The following CHD9 variants were observed in gnomAD, a reference collection of about 807,000 sequenced individuals.
CHD9 encodes chromodomain helicase DNA binding protein 9, also known as ATP-dependent chromatin remodeler CHD9.
A neutral mutation model predicts 316.1 loss-of-function variants in CHD9; 77 were observed. That is an observed-to-expected ratio of 0.24 (90% CI 0.20 to 0.29). The LOEUF (loss-of-function observed/expected upper bound fraction) is 0.29. Ranked by LOEUF, CHD9 falls within the 10% of genes least tolerant of loss-of-function variation. The pLI, the probability that CHD9 is intolerant of heterozygous loss-of-function variation, is 1.00. For synonymous variants in CHD9, 1,129 were observed against 1,158.3 expected (o/e 0.97, Z 0.51); for missense variants, 2,763 against 3,438.1 (o/e 0.80, Z 4.91).
chr16:53,285,269 G>T (rs1037108280), intron 24 of CHD9, among the ~76,000 whole-genome samples: 4 of 152,222 alleles, frequency 2.6e-5, no homozygotes, highest in Non-Finnish European at 5.9e-5. Context: ...CAAGTTGTTG[G>T]CTGACATAGT....
chr16:53,173,554 T>TA (rs2042912510), intron 2 of CHD9, among the ~76,000 whole-genome samples: 1 of 152,146 alleles, frequency 6.6e-6, no homozygotes, highest in Non-Finnish European at 1.5e-5. Flanking sequence ...AATTTTATTT[T>TA]TTTTTTTTAA....
At chr16:53,299,517 T>G (rs1195468108) in intron 30 of CHD9, 14 of 284,054 alleles carry the variant, frequency 4.9e-5, no homozygotes, top group Non-Finnish European at 7.6e-5. Flanking sequence ...AATTTACGTT[T>G]TCTGTTTGGA....
intron 2 of CHD9, among the ~76,000 whole-genome samples, chr16:53,177,074 G>C (rs1203583381): frequency 6.6e-6 from 1 of 152,132 alleles, no homozygotes; most frequent in Non-Finnish European, 1.5e-5. Flanking sequence ...TCCTGCCTCA[G>C]CCTCCCAGGT....
At chr16:53,291,385 TAAGA>T (rs2054317683) in intron 27 of CHD9, among the ~76,000 whole-genome samples, 1 of 152,088 alleles carries the variant, frequency 6.6e-6, no homozygotes, top group Non-Finnish European at 1.5e-5. Context: ...AGAGTTGGTA[TAAGA>T]AAGGGGAAAA....
At chr16:53,199,197 A>G (rs2045225569) in intron 2 of CHD9, among the ~76,000 whole-genome samples, 1 of 152,148 alleles carries the variant, frequency 6.6e-6, no homozygotes, top group South Asian at 2.1e-4. Flanking sequence ...TGTTACAGTC[A>G]TAGTTACACT....
At chr16:53,206,244 C>A (rs568421736) in intron 2 of CHD9, among the ~76,000 whole-genome samples, 1 of 152,054 alleles carries the variant, frequency 6.6e-6, no homozygotes, top group Non-Finnish European at 1.5e-5. Flanking sequence ...TGAGCCACCA[C>A]ACCTGGCCTT....
chr16:53,324,880 T>C lies in CHD9; in HGVS notation c.8679T>C (p.Ser2893=). Residue 2893 remains serine (S), a synonymous_variant, in exon 39 of 39, where the codon TCT becomes TCC. Transcript: ENST00000447540. The part of the protein sequence containing the change: ...STSSSSEDSD[S]SNED ...CGTCGTCATCTGAGGATTCAGATTC[T>C]AGTAATGAAGACTGATTCCCAGACT... 6.3e-7 allele frequency: 1 copy of C among 1,592,790 alleles called. No individual in the cohort carries two copies. The highest frequency in any genetic ancestry group is 8.5e-7 in the Non-Finnish European group (1 of 1,171,870).
chr16:53,165,148 G>A (rs1036633464), intron 2 of CHD9, among the ~76,000 whole-genome samples: 7 of 152,166 alleles, frequency 4.6e-5, no homozygotes, highest in African/African-American at 1.7e-4. Context: ...TTCACTGAAA[G>A]CAGGGAGATG....
intron 36 of CHD9, among the ~76,000 whole-genome samples, chr16:53,316,540 G>A (rs1262271906): frequency 6.6e-6 from 1 of 152,024 alleles, no homozygotes; most frequent in African/African-American, 2.4e-5. Flanking sequence ...TTATTGTAAA[G>A]ATTTTGAAAA....
chr16:53,094,672 C>T (rs2036234800), intron 1 of CHD9, among the ~76,000 whole-genome samples: 1 of 148,292 alleles, frequency 6.7e-6, no homozygotes, highest in South Asian at 2.1e-4. Context: ...TGGAGTCTTC[C>T]TCTGTCGCCC....
Position 53,126,969 on chromosome 16 carries a change from G to A in CHD9, c.-164-28957G>A, listed in dbSNP as rs374544513. Among the ~76,000 whole-genome samples, 576 of 136,554 alleles carry A rather than the reference G, an allele frequency of 4.2e-3. 6 individuals are homozygous for A. Among genetic ancestry groups the A allele is most frequent in the African/African-American group, 0.013 (457 of 36,162 alleles). 89.6% of individuals were successfully genotyped at this position (136,554 alleles called of 152,430 possible). ...GCTGGGATTACAGGTGTGAGCCACC[G>A]CACCCAGCCAGGTCTCACTTTTTCA... On this transcript the variant is annotated intron_variant, in intron 1 of 38. Coordinates refer to ENST00000447540, the MANE Select transcript of CHD9 (RefSeq NM_001308319.2).
intron 1 of CHD9, among the ~76,000 whole-genome samples, chr16:53,153,204 C>T (rs1192995594): frequency 6.6e-6 from 1 of 151,928 alleles, no homozygotes; most frequent in African/African-American, 2.4e-5. Flanking sequence ...AGACAATAAA[C>T]CTAAACAGAT....
intron 24 of CHD9, among the ~76,000 whole-genome samples, chr16:53,282,276 A>G (rs762623487): frequency 1.3e-5 from 2 of 152,122 alleles, no homozygotes; most frequent in Non-Finnish European, 2.9e-5. Flanking sequence ...AAACTACCAT[A>G]TTATTACTCT....
chr16:53,100,292 A>G (rs1405269833), intron 1 of CHD9, among the ~76,000 whole-genome samples: 1 of 152,126 alleles, frequency 6.6e-6, no homozygotes, highest in Non-Finnish European at 1.5e-5. Context: ...TGCTGCCTGT[A>G]CAGTCTTTGT....
At chr16:53,057,496 T>C (rs1370850937) in intron 1 of CHD9, among the ~76,000 whole-genome samples, 2 of 151,584 alleles carry the variant, frequency 1.3e-5, no homozygotes, top group Admixed American at 1.3e-4. Flanking sequence ...CTACTAAAAA[T>C]TCAAAAAATT....
chr16:53,314,393 A>C lies in CHD9; in HGVS notation c.7239A>C (p.Pro2413=). ...TTCAATTAGGTACTTCCATTCAACC[A>C]ACCCTTGGTGCCAATGGTGTGATAT... ...SIPVSGTSIQ[P]TLGANGVILD... The change falls in exon 35 of 39, where the codon CCA becomes CCC. Residue 2413 remains proline, a synonymous_variant. Coordinates refer to ENST00000447540, the MANE Select transcript of CHD9 (RefSeq NM_001308319.2). 6.3e-7 allele frequency: 1 copy of C among 1,575,004 alleles called. No individual in the cohort carries two copies. The highest frequency in any genetic ancestry group is 1.7e-4 in the Middle Eastern group (1 of 5,970).
rs906817210 is a variant in CHD9, at chr16:53,273,354, A to G, written c.4718-272A>G. On this transcript the variant is annotated intron_variant, in intron 22 of 38. Coordinates refer to ENST00000447540, the MANE Select transcript of CHD9 (RefSeq NM_001308319.2). ...GCATAAGTTTGATCTTTTGGGTTTT[A>G]TATTTGTAAAAAAATAATCTGTTTT... 3.9e-5 allele frequency among the ~76,000 whole-genome samples: 6 copies of G among 152,292 alleles called. No individual in the cohort carries two copies. The South Asian group carries it at 1.2e-3, about 32-fold the overall frequency.
At chr16:53,218,561 T>C (rs1002749328) in intron 3 of CHD9, among the ~76,000 whole-genome samples, 3 of 152,184 alleles carry the variant, frequency 2.0e-5, no homozygotes, top group African/African-American at 7.2e-5. Flanking sequence ...CCTTATGCTA[T>C]TGTAAAGGAA....
At chr16:53,184,780 G>C (rs1006365808) in intron 2 of CHD9, among the ~76,000 whole-genome samples, 1 of 152,150 alleles carries the variant, frequency 6.6e-6, no homozygotes, top group Non-Finnish European at 1.5e-5. Flanking sequence ...ACCAAGTGGA[G>C]ATATTTGAAT....
Sources: allele counts gnomAD v4.1 joint callset (sites outside exome capture counted in the v4.1 genomes callset), GRCh38; gene constraint gnomAD v4.1.1; transcripts MANE v1.5; gene names NCBI Gene and HGNC (gene_info 2026-07-23, HGNC 2026-07-21).